The following NEMF variants were observed in gnomAD, a reference collection of about 807,000 sequenced individuals.
The protein encoded by NEMF is ribosome quality control complex subunit NEMF.
NEMF carries 89 observed loss-of-function variants against 162.2 expected under a neutral mutation model. That is an observed-to-expected ratio of 0.55 (90% confidence interval 0.46 to 0.65). The LOEUF (loss-of-function observed/expected upper bound fraction) is 0.65, where lower values mean the gene tolerates loss of function less well. Ranked by LOEUF, NEMF falls within the 30% of genes least tolerant of loss-of-function variation. NEMF has a pLI of 0.00. For missense variants in NEMF, 1,133 were observed against 1,261.9 expected (o/e 0.90, Z 1.55); for synonymous variants, 421 against 404.5 (o/e 1.04, Z -0.49).
chr14:49,798,855 C>A (rs1451450304), intron 25 of NEMF, among the ~76,000 whole-genome samples: 1 of 151,452 alleles, frequency 6.6e-6, no homozygotes, highest in Admixed American at 6.6e-5. Flanking sequence ...TGCAGTGAGC[C>A]GAGATCATGC....
chr14:49,805,809 A>G (rs1404955423), intron 19 of NEMF, among the ~76,000 whole-genome samples: 1 of 152,120 alleles, frequency 6.6e-6, no homozygotes, highest in Non-Finnish European at 1.5e-5. Context: ...TACTTCATCC[A>G]AAACGGTATC....
intron 18 of NEMF, among the ~76,000 whole-genome samples, chr14:49,810,057 G>A (rs2139889424): frequency 6.6e-6 from 1 of 151,564 alleles, no homozygotes; most frequent in South Asian, 2.1e-4. Flanking sequence ...ACCTAAAACT[G>A]GTCGAAAAAA....
intron 18 of NEMF, among the ~76,000 whole-genome samples, chr14:49,811,071 T>C (rs116445861): frequency 0.016 from 2,491 of 152,322 alleles, 64 homozygotes; most frequent in African/African-American, 0.056. Flanking sequence ...ATCAGAACAA[T>C]ATTAAGACTT....
intron 16 of NEMF, among the ~76,000 whole-genome samples, chr14:49,818,773 TGGG>T (rs1430924361): frequency 1.1e-4 from 16 of 151,960 alleles, no homozygotes; most frequent in Non-Finnish European, 1.9e-4. Context: ...TTATTTCCAC[TGGG>T]CTCCCCAAAT....
intron 19 of NEMF, 48 bp downstream of exon 19, chr14:49,805,973 C>A (rs147201804): frequency 2.8e-5 from 38 of 1,349,248 alleles, no homozygotes; most frequent in Non-Finnish European, 3.8e-5. Flanking sequence ...AAATTTGGCA[C>A]ACAGTAGCTC....
rs376791319 is a variant in NEMF at position 49,782,626 on chromosome 14, T to C, written c.*2010A>G. The C allele has an allele frequency of 4.7e-5, 73 of 1,550,184 alleles. No individual in the cohort carries two copies. The highest frequency in any genetic ancestry group is 1.1e-4 in the African/African-American group (8 of 72,776). On this transcript the variant is annotated 3_prime_UTR_variant, in exon 33 of 33. Coordinates refer to ENST00000298310, the MANE Select transcript of NEMF (RefSeq NM_004713.6). ...AACTTTGTACTTGGCACTTAGATTA[T>C]TTAAAATTGTGTTTCCTAAGACTTA...
intron 18 of NEMF, among the ~76,000 whole-genome samples, chr14:49,808,307 G>C (rs536114216): frequency 2.6e-5 from 4 of 152,088 alleles, no homozygotes; most frequent in African/African-American, 9.6e-5. Context: ...CAAGTAGCTT[G>C]GATTACAGGC....
At chr14:49,805,362 C>T (rs1362711707) in intron 19 of NEMF, among the ~76,000 whole-genome samples, 6 of 151,672 alleles carry the variant, frequency 4.0e-5, no homozygotes, top group African/African-American at 1.5e-4. Flanking sequence ...AATGAAGTAT[C>T]ACCAAACTCA....
At chr14:49,799,135 G>A (rs940550905) in intron 25 of NEMF, among the ~76,000 whole-genome samples, 37 of 133,556 alleles carry the variant, frequency 2.8e-4, no homozygotes, top group African/African-American at 1.0e-3. Context: ...CTGAGCCTGG[G>A]AGTTTGAGGC....
At chr14:49,828,933 A>G (rs1302481275) in intron 13 of NEMF, 121 bp downstream of exon 13, 29 of 1,286,884 alleles carry the variant, frequency 2.3e-5, no homozygotes, top group Non-Finnish European at 3.0e-5. Flanking sequence ...TTTAATCTAA[A>G]TTAGTTTTTT....
intron 16 of NEMF, among the ~76,000 whole-genome samples, chr14:49,822,527 A>G (rs1456867961): frequency 6.6e-6 from 1 of 151,286 alleles, no homozygotes; most frequent in Non-Finnish European, 1.5e-5. Context: ...GTCTCAAAGA[A>G]AAAAAAAGTA....
At chr14:49,846,737 T>G (rs1893522901) in intron 3 of NEMF, among the ~76,000 whole-genome samples, 1 of 152,208 alleles carries the variant, frequency 6.6e-6, no homozygotes, top group South Asian at 2.1e-4. Flanking sequence ...AGTGCTGGGA[T>G]TACAAGCGTA....
At chr14:49,850,077 C>T (rs749658853) in intron 3 of NEMF, among the ~76,000 whole-genome samples, 1 of 152,050 alleles carries the variant, frequency 6.6e-6, no homozygotes, top group Non-Finnish European at 1.5e-5. Flanking sequence ...GTATGGAGTT[C>T]TAATATGTGT....
intron 16 of NEMF, among the ~76,000 whole-genome samples, chr14:49,817,146 T>C (rs1397445571): frequency 6.6e-6 from 1 of 152,068 alleles, no homozygotes; most frequent in Non-Finnish European, 1.5e-5. Context: ...TGAAATATAA[T>C]GATGAAAAAA....
Position 49,785,426 on chromosome 14 carries a change from T to C in NEMF, c.2929-106A>G, listed in dbSNP as rs1594714818. Reference sequence around the variant, plus strand: ...CAACATATTTTTTATCTTTTCCTGATATACATACCATCTAAGCTGGAACAG... The same window carrying C: ...CAACATATTTTTTATCTTTTCCTGACATACATACCATCTAAGCTGGAACAG... On this transcript the variant is annotated intron_variant, in intron 29 of 32. Coordinates refer to ENST00000298310, the MANE Select transcript of NEMF (RefSeq NM_004713.6). The C allele has an allele frequency of 1.2e-5, 9 of 751,904 alleles. No individual in the cohort carries two copies. The Admixed American group carries it at 1.4e-4, about 12-fold the overall frequency. The allele number at this position is 751,904 out of a possible 1,614,324, so 46.6% of individuals were successfully genotyped here.
At chr14:49,812,075 T>C (rs959021887) in intron 18 of NEMF, among the ~76,000 whole-genome samples, 1 of 152,176 alleles carries the variant, frequency 6.6e-6, no homozygotes, top group East Asian at 1.9e-4. Flanking sequence ...ATGTTTTTCT[T>C]TATTATTAAT....
intron 26 of NEMF, among the ~76,000 whole-genome samples, chr14:49,791,725 A>G (rs1301225812): frequency 3.5e-5 from 4 of 112,680 alleles, no homozygotes; most frequent in African/African-American, 1.3e-4. Context: ...CAACAGAGCG[A>G]GACTCCATTT....
At chr14:49,842,530 A>G (rs190724953) in intron 4 of NEMF, among the ~76,000 whole-genome samples, 105 of 152,374 alleles carry the variant, frequency 6.9e-4, no homozygotes, top group Non-Finnish European at 1.4e-3. Context: ...TAAAATACAA[A>G]GAAGCATCCA....
At chr14:49,785,993 C>A (rs1890160802) in intron 29 of NEMF, 1 of 152,378 alleles carries the variant, frequency 6.6e-6, no homozygotes, top group Admixed American at 6.5e-5. Context: ...GATTTAAGTC[C>A]TATCACATGG....
Sources: gnomAD v4.1 joint callset for allele counts (sites outside exome capture counted in the v4.1 genomes callset) on GRCh38, gnomAD v4.1.1 for gene constraint, MANE v1.5 for transcripts, NCBI Gene and HGNC (gene_info 2026-07-23, HGNC 2026-07-21) for gene names.